MEF2A: variants seen among roughly 807,000 people sequenced by gnomAD.
The protein encoded by MEF2A is myocyte-specific enhancer factor 2A.
MEF2A carries 28 observed loss-of-function variants against 55.8 expected under a neutral mutation model. The ratio of observed to expected loss-of-function variants is 0.50; its 90% CI spans 0.37 to 0.69. MEF2A has a LOEUF of 0.69. Ranked by LOEUF, MEF2A falls within the 30% of genes least tolerant of loss-of-function variation. The probability of loss-of-function intolerance (pLI) is 0.00; values close to 1 mark genes in which losing one functional copy is unlikely to be tolerated. For missense variants in MEF2A, 528 were observed against 626.2 expected, an observed-to-expected ratio of 0.84 and a Z score of 1.67; for synonymous variants, 239 against 227.1, an observed-to-expected ratio of 1.05 and a Z score of -0.47.
intron 1 of MEF2A, among the ~76,000 whole-genome samples, chr15:99,591,916 A>G (rs184486651): frequency 2.6e-5 from 4 of 152,298 alleles, no homozygotes; most frequent in Non-Finnish European, 5.9e-5. Flanking sequence ...GCCTTTAAAG[A>G]CACCCTGTCT....
chr15:99,583,175 A>G (rs1350930863), intron 1 of MEF2A, among the ~76,000 whole-genome samples: 1 of 152,116 alleles, frequency 6.6e-6, no homozygotes, highest in Non-Finnish European at 1.5e-5. Flanking sequence ...TTAAATAGAT[A>G]GAACCCTATT....
In MEF2A at chr15:99,715,230, T is replaced by C. The variant is rs1369053332; in HGVS notation, c.*2459T>C. 2 of 152,234 alleles carry C rather than the reference T, an allele frequency of 1.3e-5. No individual in the cohort carries two copies. The highest frequency in any genetic ancestry group is 3.8e-4 in the East Asian group (2 of 5,196). 9.4% of individuals were successfully genotyped at this position (152,234 alleles called of 1,614,324 possible). ...AAAGTGTTAAGTGATTCCTTCGTTA[T>C]TATTTATGCATGTTCATGAACTTCT... is the stretch of plus-strand genomic sequence containing the variant. On this transcript the variant is annotated 3_prime_UTR_variant, in exon 12 of 12. Transcript: ENST00000557942.
At chr15:99,702,741 A>G (rs893666042) in intron 8 of MEF2A, among the ~76,000 whole-genome samples, 7 of 152,168 alleles carry the variant, frequency 4.6e-5, no homozygotes, top group Non-Finnish European at 1.0e-4. Context: ...TTCTTCAAAT[A>G]TGTGGTTTTT....
At chr15:99,578,853 A>C (rs372536898) in intron 1 of MEF2A, among the ~76,000 whole-genome samples, 1 of 152,272 alleles carries the variant, frequency 6.6e-6, no homozygotes, top group African/African-American at 2.4e-5. Flanking sequence ...AAACAGTGGC[A>C]TGGTTTTAGA....
In MEF2A at chr15:99,713,410, T is replaced by G; in HGVS notation, c.*639T>G. 1 of 168,528 alleles carries G rather than the reference T, an allele frequency of 5.9e-6. No homozygotes were observed. Among genetic ancestry groups the G allele is most frequent in the Non-Finnish European group, 1.3e-5 (1 of 79,090 alleles). 10.4% of individuals were successfully genotyped at this position (168,528 alleles called of 1,614,324 possible). On this transcript the variant is annotated 3_prime_UTR_variant, in exon 12 of 12. Transcript: ENST00000557942. Reference sequence around the variant, plus strand: ...GGGTCAAGAAGTGATCTTTAGCTAATAAAGAAAGAGAATAGAAAACACGCA... The same window carrying G: ...GGGTCAAGAAGTGATCTTTAGCTAAGAAAGAAAGAGAATAGAAAACACGCA...
chr15:99,700,123 G>A (rs1402232712), intron 8 of MEF2A, among the ~76,000 whole-genome samples: 2 of 136,576 alleles, frequency 1.5e-5, no homozygotes, highest in African/African-American at 5.3e-5. Context: ...CTCCCGAAGT[G>A]CTGGGATTAC....
intron 8 of MEF2A, among the ~76,000 whole-genome samples, chr15:99,700,187 T>TC (rs1367307769): frequency 8.9e-6 from 1 of 112,294 alleles, no homozygotes. Context: ...TGTGTATATA[T>TC]ACACACACAC....
intron 8 of MEF2A, among the ~76,000 whole-genome samples, chr15:99,696,046 G>C (rs4965534): frequency 0.41 from 61,704 of 152,022 alleles, 14,118 homozygotes; most frequent in Middle Eastern, 0.62. Context: ...ACGTGACATA[G>C]TCCACTTTCC....
At chr15:99,596,955 T>C (rs925179581) in intron 1 of MEF2A, among the ~76,000 whole-genome samples, 1 of 152,232 alleles carries the variant, frequency 6.6e-6, no homozygotes, top group Middle Eastern at 3.2e-3. Flanking sequence ...TAATTTCTTA[T>C]GCCTGTCTTT....
intron 10 of MEF2A, 86 bp from the exon 11 acceptor site, chr15:99,710,546 ATG>A: frequency 6.5e-7 from 1 of 1,529,918 alleles, no homozygotes; most frequent in Non-Finnish European, 8.9e-7. Context: ...GCTGGCCTCA[ATG>A]TAGGAACTTT....
At chr15:99,670,816 G>A (rs926052982) in intron 4 of MEF2A, among the ~76,000 whole-genome samples, 2 of 152,188 alleles carry the variant, frequency 1.3e-5, no homozygotes, top group African/African-American at 4.8e-5. Flanking sequence ...ACAGGAAAGT[G>A]AATAATAGGA....
intron 3 of MEF2A, among the ~76,000 whole-genome samples, chr15:99,641,195 G>T (rs536410309): frequency 6.6e-6 from 1 of 152,170 alleles, no homozygotes; most frequent in Non-Finnish European, 1.5e-5. Context: ...TCCACCAAAC[G>T]TGGAGGTTCT....
intron 5 of MEF2A, 47 bp from the exon 6 acceptor site, chr15:99,674,346 A>G (rs1481205235): frequency 1.3e-6 from 2 of 1,519,812 alleles, no homozygotes; most frequent in East Asian, 2.3e-5. Flanking sequence ...TACTTTGTAG[A>G]TGAATACGAA....
chr15:99,669,923 A>T (rs1489740730), intron 4 of MEF2A, among the ~76,000 whole-genome samples: 1 of 152,214 alleles, frequency 6.6e-6, no homozygotes, highest in Non-Finnish European at 1.5e-5. Flanking sequence ...CTCTGGGACT[A>T]GTTCAGTGAT....
At chr15:99,609,237 AT>A (rs1343760788) in intron 2 of MEF2A, among the ~76,000 whole-genome samples, 21 of 152,028 alleles carry the variant, frequency 1.4e-4, no homozygotes, top group Non-Finnish European at 2.8e-4. Context: ...GTAAGGGATT[AT>A]TTTTCTCAAT....
At chr15:99,574,044 AT>A (rs560478406) in intron 1 of MEF2A, among the ~76,000 whole-genome samples, 64 of 149,328 alleles carry the variant, frequency 4.3e-4, no homozygotes, top group Admixed American at 1.7e-3. Context: ...GGGTTGACAG[AT>A]TTTTTTTTTT....
intron 7 of MEF2A, among the ~76,000 whole-genome samples, chr15:99,677,558 AAAG>A (rs1280114450): frequency 1.3e-5 from 2 of 152,168 alleles, no homozygotes; most frequent in African/African-American, 4.8e-5. Context: ...GGAAAATTAA[AAAG>A]AAGACCCAGA....
At chr15:99,688,561 T>C (rs2054745008) in intron 7 of MEF2A, among the ~76,000 whole-genome samples, 1 of 152,154 alleles carries the variant, frequency 6.6e-6, no homozygotes, top group South Asian at 2.1e-4. Flanking sequence ...ATCAAGACCA[T>C]CCTGGCTAAC....
At chr15:99,697,351 C>T (rs325390) in intron 8 of MEF2A, among the ~76,000 whole-genome samples, 95,186 of 151,374 alleles carry the variant, frequency 0.63, 34,132 homozygotes, top group Middle Eastern at 0.86. Context: ...AAAGAAATTA[C>T]AAAAAAAACT....
Sources: allele counts gnomAD v4.1 joint callset (sites outside exome capture counted in the v4.1 genomes callset), GRCh38; gene constraint gnomAD v4.1.1; transcripts MANE v1.5; gene names NCBI Gene and HGNC (gene_info 2026-07-23, HGNC 2026-07-21).